FHIT: variants seen among roughly 807,000 people sequenced by gnomAD.
FHIT encodes the protein fragile histidine triad diadenosine triphosphatase.
In FHIT, 19 loss-of-function variants were observed where a neutral mutation model predicts 17.9. The ratio of observed to expected loss-of-function variants is 1.06; its 90% CI spans 0.74 to 1.56. The LOEUF (loss-of-function observed/expected upper bound fraction) is 1.56. Among genes scored for constraint, FHIT ranks in the 40% most tolerant of loss-of-function variants. The pLI is 0.00. For synonymous variants in FHIT, 81 were observed against 69.7 expected (o/e 1.16, Z -0.81); for missense variants, 248 against 189.2 (o/e 1.31, Z -1.82).
intron 7 of FHIT, among the ~76,000 whole-genome samples, chr3:59,929,271 G>T (rs777936722): frequency 6.7e-6 from 1 of 148,626 alleles, no homozygotes; most frequent in Non-Finnish European, 1.5e-5. Flanking sequence ...TACAACACCT[G>T]TATGAAGTAT....
intron 7 of FHIT, among the ~76,000 whole-genome samples, chr3:59,985,380 T>G (rs1708848968): frequency 6.6e-6 from 1 of 151,948 alleles, no homozygotes; most frequent in Non-Finnish European, 1.5e-5. Context: ...AACCTTAGAG[T>G]ATTATCAGGT....
chr3:61,005,377 TATG>T (rs1336924444), intron 3 of FHIT, among the ~76,000 whole-genome samples: 1 of 151,962 alleles, frequency 6.6e-6, no homozygotes, highest in Non-Finnish European at 1.5e-5. Context: ...AACTGCTATA[TATG>T]ATGATGAGGA....
chr3:60,051,181 T>C (rs969243181), intron 5 of FHIT, among the ~76,000 whole-genome samples: 8 of 152,244 alleles, frequency 5.3e-5, no homozygotes, highest in African/African-American at 1.9e-4. Context: ...AGGAGTCATG[T>C]TTAGGCGGAG....
At chr3:60,606,302 G>A (rs2682972) in intron 4 of FHIT, among the ~76,000 whole-genome samples, 10,360 of 150,794 alleles carry the variant, frequency 0.069, 473 homozygotes, top group African/African-American at 0.13. Context: ...GTGCAGTGAC[G>A]CAATCTTAGC....
At chr3:60,753,223 G>C (rs1232490843) in intron 4 of FHIT, among the ~76,000 whole-genome samples, 2 of 152,116 alleles carry the variant, frequency 1.3e-5, no homozygotes, top group African/African-American at 2.4e-5. Context: ...AGGAAATCTA[G>C]GCTAAAGGGG....
intron 2 of FHIT, among the ~76,000 whole-genome samples, chr3:61,149,946 A>G (rs2037337352): frequency 6.6e-6 from 1 of 152,208 alleles, no homozygotes; most frequent in South Asian, 2.1e-4. Context: ...TATCCTGAGC[A>G]AACTCAGATG....
intron 5 of FHIT, among the ~76,000 whole-genome samples, chr3:60,338,938 C>T (rs1223527834): frequency 1.3e-5 from 2 of 152,128 alleles, no homozygotes; most frequent in Non-Finnish European, 2.9e-5. Flanking sequence ...ACCTCAGTTT[C>T]CTTAACCCTG....
chr3:60,859,238 T>C (rs1703514368), intron 3 of FHIT, among the ~76,000 whole-genome samples: 1 of 152,182 alleles, frequency 6.6e-6, no homozygotes, highest in Non-Finnish European at 1.5e-5. Flanking sequence ...GGGCTCCTCA[T>C]AGACCTCTTC....
At chr3:60,458,368 G>A (rs1300578442) in intron 5 of FHIT, among the ~76,000 whole-genome samples, 1 of 150,992 alleles carries the variant, frequency 6.6e-6, no homozygotes, top group East Asian at 2.0e-4. Context: ...ACTCATAGGT[G>A]GGAATTGAAC....
intron 1 of FHIT, among the ~76,000 whole-genome samples, chr3:61,211,610 T>C (rs562811459): frequency 7.2e-5 from 11 of 152,324 alleles, no homozygotes; most frequent in Admixed American, 3.3e-4. Context: ...CAGTAACCTC[T>C]GCAGACTTCA....
intron 5 of FHIT, among the ~76,000 whole-genome samples, chr3:60,034,551 T>C (rs17061893): frequency 0.052 from 7,928 of 152,310 alleles, 279 homozygotes; most frequent in Middle Eastern, 0.15. Flanking sequence ...TGGTATATCT[T>C]CGTCAACATG....
At chr3:60,042,128 G>A (rs930053901) in intron 5 of FHIT, among the ~76,000 whole-genome samples, 1 of 152,192 alleles carries the variant, frequency 6.6e-6, no homozygotes, top group African/African-American at 2.4e-5. Context: ...CAGATGGCTG[G>A]AAGATAGCTC....
chr3:60,396,854 C>A (rs1701461752), intron 5 of FHIT, among the ~76,000 whole-genome samples: 1 of 152,038 alleles, frequency 6.6e-6, no homozygotes, highest in Admixed American at 6.6e-5. Flanking sequence ...TTCAAGGATA[C>A]ATATAAAGAA....
chr3:59,849,905 G>A (rs573135308), intron 8 of FHIT, among the ~76,000 whole-genome samples: 2 of 152,290 alleles, frequency 1.3e-5, no homozygotes, highest in Admixed American at 1.3e-4. Flanking sequence ...AGCTGCAGAA[G>A]CTATAATACC....
intron 1 of FHIT, among the ~76,000 whole-genome samples, chr3:61,239,053 A>AG (rs2040302294): frequency 6.6e-6 from 1 of 152,162 alleles, no homozygotes; most frequent in Non-Finnish European, 1.5e-5. Context: ...TGGAGATAGT[A>AG]GGCATTAGGG....
chr3:60,894,637 C>T (rs1356210213), intron 3 of FHIT, among the ~76,000 whole-genome samples: 6 of 150,768 alleles, frequency 4.0e-5, no homozygotes, highest in Non-Finnish European at 7.4e-5. Flanking sequence ...CTCTGGGGCT[C>T]GGCAAAAAAT....
intron 3 of FHIT, among the ~76,000 whole-genome samples, chr3:60,987,743 C>T (rs1274282809): frequency 6.6e-6 from 1 of 152,100 alleles, no homozygotes; most frequent in Non-Finnish European, 1.5e-5. Context: ...TCAGTAAGTC[C>T]CCAGTTTAGC....
chr3:60,495,313 T>C (rs1039888636), intron 5 of FHIT, among the ~76,000 whole-genome samples: 4 of 152,188 alleles, frequency 2.6e-5, no homozygotes, highest in Non-Finnish European at 5.9e-5. Flanking sequence ...TTCTAACAAA[T>C]ACATTCTCTA....
intron 4 of FHIT, among the ~76,000 whole-genome samples, chr3:60,708,148 A>T (rs1443134929): frequency 6.6e-6 from 1 of 152,222 alleles, no homozygotes; most frequent in Non-Finnish European, 1.5e-5. Context: ...GTATAATTTT[A>T]TCCTAGTAAT....
Sources: gnomAD v4.1 joint callset for allele counts (sites outside exome capture counted in the v4.1 genomes callset) on GRCh38, gnomAD v4.1.1 for gene constraint, MANE v1.5 for transcripts, NCBI Gene and HGNC (gene_info 2026-07-23, HGNC 2026-07-21) for gene names.